Variants in LAMA1 observed in about 807,000 individuals in gnomAD.
LAMA1 encodes laminin subunit alpha-1.
LAMA1 carries 219 observed loss-of-function variants against 348.7 expected under a neutral mutation model. The ratio of observed to expected loss-of-function variants is 0.63; its 90% CI spans 0.56 to 0.70. The LOEUF (loss-of-function observed/expected upper bound fraction) is 0.70, where lower values mean the gene tolerates loss of function less well. Among genes scored for constraint, LAMA1 ranks in the 30% least tolerant of loss-of-function variants. LAMA1 has a pLI of 0.00. For missense variants in LAMA1, 3,744 were observed against 3,888.0 expected, an observed-to-expected ratio of 0.96 and a Z score of 0.99; for synonymous variants, 1,487 against 1,491.0, an observed-to-expected ratio of 1.00 and a Z score of 0.06.
At position 6,950,948 on chromosome 18, in the gene LAMA1, C is replaced by T. The variant is rs369422681; in HGVS notation, c.8231G>A (p.Arg2744His). ...RKKLSVELSI[R>H]TFASSGLIYY... ...AATCAGGCCGCTGGAGGCGAACGTG[C>T]GGATGCTTAGCTCAACCGAGAGCCT... The change falls in exon 58 of 63, where the codon CGC (arginine) becomes CAC (histidine). Residue 2744 changes from arginine (R) to histidine (H), a missense_variant. Arg to His is a conservative substitution (Grantham distance 29). This residue lies in a region of LAMA1 where 1,983 missense variants were observed against 1,934.3 expected (regional missense o/e 1.03). Coordinates refer to ENST00000389658, the MANE Select transcript of LAMA1 (RefSeq NM_005559.4). The T allele has an allele frequency of 9.3e-6, 15 of 1,613,746 alleles. No homozygotes were observed. In the Admixed American group the frequency reaches 1.2e-4, roughly 13 times the overall value.
At chr18:6,993,776 G>GTTAGTTTGACTTTAAGTAA in intron 34 of LAMA1, 24 bp from the exon 35 acceptor site, 1 of 1,404,730 alleles carries the variant, frequency 7.1e-7, no homozygotes, top group Non-Finnish European at 1.0e-6. Context: ...AAAGTCTCAG[G>GTTAGTTTGACTTTAAGTAA]TTAGTTTGAC....
intron 1 of LAMA1, among the ~76,000 whole-genome samples, chr18:7,114,548 A>G (rs1237860616): frequency 6.6e-6 from 1 of 152,230 alleles, no homozygotes. Context: ...TCTGTACTAG[A>G]TACTGGTCTA....
chr18:6,980,248 C>T (rs1033478806), intron 42 of LAMA1, among the ~76,000 whole-genome samples: 2 of 152,274 alleles, frequency 1.3e-5, no homozygotes, highest in Middle Eastern at 6.8e-3. Flanking sequence ...ATGTGTCAAT[C>T]CCATTTCAAA....
At chr18:6,961,912 A>C in intron 52 of LAMA1, 33 bp downstream of exon 52, 1 of 1,584,582 alleles carries the variant, frequency 6.3e-7, no homozygotes, top group South Asian at 1.1e-5. Context: ...ACTTATGGAA[A>C]CTCATTTGAA....
rs75855618 is a variant in LAMA1 at position 7,028,194 on chromosome 18, A to G, written c.2275-2088T>C. Among the ~76,000 whole-genome samples, 1,297 of 152,344 alleles carry G rather than the reference A, an allele frequency of 8.5e-3. 13 individuals carry two copies. The highest frequency in any genetic ancestry group is 0.027 in the African/African-American group (1,135 of 41,576). Reference sequence around the variant, plus strand: ...AAAACAAAAGATCCCAGCCTCTATCATCTGTGGATCAATGTCACGTGCAAT... The same window carrying G: ...AAAACAAAAGATCCCAGCCTCTATCGTCTGTGGATCAATGTCACGTGCAAT... On this transcript the variant is annotated intron_variant, in intron 16 of 62. Transcript: ENST00000389658.
chr18:7,108,054 G>C (rs926199010), intron 1 of LAMA1, among the ~76,000 whole-genome samples: 14 of 144,528 alleles, frequency 9.7e-5, no homozygotes, highest in African/African-American at 3.4e-4. Context: ...AAGAAAAAAT[G>C]CTAACTCTCT....
intron 3 of LAMA1, among the ~76,000 whole-genome samples, chr18:7,051,377 G>GAA (rs2058061967): frequency 6.6e-6 from 1 of 152,102 alleles, no homozygotes; most frequent in African/African-American, 2.4e-5. Context: ...AATAGAATCA[G>GAA]TAGCAACTGT....
chr18:6,984,894 C>T (rs2057727365), intron 39 of LAMA1, among the ~76,000 whole-genome samples: 1 of 152,150 alleles, frequency 6.6e-6, no homozygotes, highest in African/African-American at 2.4e-5. Context: ...CATTCTGTTC[C>T]ACCTGCAACC....
At chr18:7,098,073 G>C (rs890282467) in intron 1 of LAMA1, among the ~76,000 whole-genome samples, 1 of 150,540 alleles carries the variant, frequency 6.6e-6, no homozygotes, top group Non-Finnish European at 1.5e-5. Flanking sequence ...CCGGTCTCCA[G>C]CCCCTAACCG....
Position 7,040,251 on chromosome 18 carries a change from A to G in LAMA1, c.1262-15T>C. 2.5e-6 allele frequency: 4 copies of G among 1,613,910 alleles called. No individual in the cohort carries two copies. Among genetic ancestry groups the G allele is most frequent in the South Asian group, 1.1e-5 (1 of 91,086 alleles). On this transcript the variant is annotated splice_polypyrimidine_tract_variant and intron_variant, in intron 9 of 62. Transcript: ENST00000389658. ...TGGCTGCTTCCCTAGAAAGACAACA[A>G]TGGCAATGACCCAACATGAAGGCAA...
At chr18:7,057,077 G>A (rs1357503040) in intron 3 of LAMA1, among the ~76,000 whole-genome samples, 1 of 151,948 alleles carries the variant, frequency 6.6e-6, no homozygotes, top group Non-Finnish European at 1.5e-5. Flanking sequence ...TTACCATATT[G>A]GCCAGGCTGG....
chr18:6,965,766 G>A, intron 49 of LAMA1: 1 of 409,132 alleles, frequency 2.4e-6, no homozygotes, highest in Non-Finnish European at 4.4e-6. Context: ...ACCAGCCCAT[G>A]AGATGCAAAC....
chr18:7,040,857 T>C (rs1469265749), intron 9 of LAMA1, among the ~76,000 whole-genome samples: 1 of 152,168 alleles, frequency 6.6e-6, no homozygotes, highest in African/African-American at 2.4e-5. Context: ...CGGATGACCT[T>C]GAAAACATTA....
At chr18:7,101,116 C>A (rs947568581) in intron 1 of LAMA1, among the ~76,000 whole-genome samples, 1 of 152,112 alleles carries the variant, frequency 6.6e-6, no homozygotes, top group African/African-American at 2.4e-5. Flanking sequence ...GATTTCTGGG[C>A]ACAAATGAAA....
At chr18:7,096,217 A>G (rs1222003569) in intron 1 of LAMA1, among the ~76,000 whole-genome samples, 2 of 152,242 alleles carry the variant, frequency 1.3e-5, no homozygotes, top group African/African-American at 4.8e-5. Flanking sequence ...CCCACATTCC[A>G]GAGGCACCCT....
chr18:7,016,886 C>G (rs1039449145), intron 20 of LAMA1, among the ~76,000 whole-genome samples: 1 of 152,162 alleles, frequency 6.6e-6, no homozygotes, highest in Non-Finnish European at 1.5e-5. Context: ...TGTGTCCCCA[C>G]CCAAATCTCA....
chr18:6,991,267 T>C (rs1388665828), intron 36 of LAMA1, among the ~76,000 whole-genome samples: 3 of 151,958 alleles, frequency 2.0e-5, no homozygotes, highest in Non-Finnish European at 2.9e-5. Flanking sequence ...CCCAACCCTC[T>C]AGTGTGTTGC....
At position 7,016,725 on chromosome 18, in the gene LAMA1, C is replaced by T; in HGVS notation, c.2809-54G>A. 3 of 1,457,942 alleles carry T rather than the reference C, an allele frequency of 2.1e-6. No homozygotes were observed. The South Asian group carries it at 3.7e-5, about 18-fold the overall frequency. 90.3% of individuals were successfully genotyped at this position (1,457,942 alleles called of 1,614,324 possible). On this transcript the variant is annotated intron_variant, in intron 20 of 62. Transcript: ENST00000389658. ...AACCAACATACGTTTTAATAAATGA[C>T]TCCTCATATTAGTATGTTCCAGAAC...
chr18:7,008,530 C>G lies in LAMA1; in HGVS notation c.4080G>C (p.Glu1360Asp). 6.2e-7 allele frequency: 1 copy of G among 1,614,094 alleles called. No individual in the cohort carries two copies. Among genetic ancestry groups the G allele is most frequent in the Non-Finnish European group, 8.5e-7 (1 of 1,179,980 alleles). ...CAGTGCCAGGAGGACAGACACAATT[C>G]TCTAAAAGAGATGCAACCTCTTCTT... ...HPEEEVASLL[E>D]NCVCPPGTVG... The change falls in exon 28 of 63, where the codon GAG becomes GAC. Residue 1360 changes from glutamate to aspartate, a missense_variant. Coordinates refer to ENST00000389658, the MANE Select transcript of LAMA1 (RefSeq NM_005559.4).
Sources: allele counts gnomAD v4.1 joint callset (sites outside exome capture counted in the v4.1 genomes callset), GRCh38; gene constraint gnomAD v4.1.1; regional missense constraint gnomAD v4.1.1; transcripts MANE v1.5; gene names NCBI Gene and HGNC (gene_info 2026-07-23, HGNC 2026-07-21).